The following CIT variants were observed in gnomAD, a reference collection of about 807,000 sequenced individuals.
CIT encodes citron rho-interacting serine/threonine kinase.
A neutral mutation model predicts 272.7 loss-of-function variants in CIT; 79 were observed. The ratio of observed to expected loss-of-function variants is 0.29; its 90% CI spans 0.24 to 0.35. The LOEUF (loss-of-function observed/expected upper bound fraction) is 0.35, where lower values mean the gene tolerates loss of function less well. Ranked by LOEUF, CIT falls within the 10% of genes least tolerant of loss-of-function variation. CIT has a pLI of 1.00. For synonymous variants in CIT, 948 were observed against 995.6 expected (o/e 0.95, Z 0.90); for missense variants, 1,909 against 2,618.3 (o/e 0.73, Z 5.91).
At chr12:119,797,856 A>G (rs1226815050) in intron 10 of CIT, among the ~76,000 whole-genome samples, 3 of 152,240 alleles carry the variant, frequency 2.0e-5, no homozygotes, top group East Asian at 3.8e-4. Context: ...CAAAAGTACA[A>G]AATGTAGATG....
At chr12:119,727,164 C>T (rs1458275112) in intron 28 of CIT, among the ~76,000 whole-genome samples, 1 of 152,158 alleles carries the variant, frequency 6.6e-6, no homozygotes, top group Non-Finnish European at 1.5e-5. Flanking sequence ...ATGTGCTTGA[C>T]ACTCCATTAA....
chr12:119,692,173 G>A (rs1166780436), intron 46 of CIT, among the ~76,000 whole-genome samples: 1 of 152,174 alleles, frequency 6.6e-6, no homozygotes, highest in Non-Finnish European at 1.5e-5. Context: ...AAAAAGCCGG[G>A]CACAGTGATG....
At chr12:119,717,858 T>TTTTTTTTTTTTTTTTTTTTTTTTTG in intron 32 of CIT, among the ~76,000 whole-genome samples, 2 of 142,056 alleles carry the variant, frequency 1.4e-5, no homozygotes, top group East Asian at 2.1e-4. Flanking sequence ...TTTTTTTTTT[T>TTTTTTTTTTTTTTTTTTTTTTTTTG]GAGATGGAGT....
In CIT at chr12:119,762,627, A is replaced by G. The variant is rs553557551; in HGVS notation, c.2305-1572T>C. Among the ~76,000 whole-genome samples the G allele has an allele frequency of 8.5e-5, 13 of 152,348 alleles. No homozygotes were observed. In the South Asian group the frequency reaches 2.3e-3, roughly 27 times the overall value. ...TGCCCTTTATATTTTATGAGGTGCT[A>G]AAGCAATGAAATACATTTTCAGGAT... is the stretch of plus-strand genomic sequence containing the variant. On this transcript the variant is annotated intron_variant, in intron 19 of 47. Coordinates refer to ENST00000392521, the MANE Select transcript of CIT (RefSeq NM_001206999.2).
chr12:119,795,498 T>C (rs1355073731), intron 10 of CIT, among the ~76,000 whole-genome samples: 3 of 152,218 alleles, frequency 2.0e-5, no homozygotes, highest in African/African-American at 7.2e-5. Context: ...ATTTTCTCTA[T>C]CTGTAAAATA....
At chr12:119,863,201 CAAA>C (rs751421292) in intron 3 of CIT, among the ~76,000 whole-genome samples, 2 of 40,512 alleles carry the variant, frequency 4.9e-5, no homozygotes, top group African/African-American at 8.7e-5. Context: ...GACTCTGTAT[CAAA>C]AAAAAAAAAA....
chr12:119,749,244 G>A (rs1959880782), intron 23 of CIT, among the ~76,000 whole-genome samples: 1 of 152,170 alleles, frequency 6.6e-6, no homozygotes, highest in African/African-American at 2.4e-5. Flanking sequence ...AACAATCATA[G>A]CACATTTGAC....
chr12:119,745,385 A>AAAAAAAAAAAAAC (rs1959217602), intron 23 of CIT, among the ~76,000 whole-genome samples: 2 of 143,140 alleles, frequency 1.4e-5, no homozygotes, highest in African/African-American at 5.1e-5. Flanking sequence ...AAAAAAAAAA[A>AAAAAAAAAAAAAC]AAAAAAAAAA....
intron 9 of CIT, among the ~76,000 whole-genome samples, chr12:119,805,366 TA>T (rs1966531263): frequency 6.6e-6 from 1 of 152,220 alleles, no homozygotes; most frequent in Non-Finnish European, 1.5e-5. Context: ...GAGGTTTAAA[TA>T]AAATAATCCA....
At chr12:119,870,241 G>A (rs1950628137) in intron 2 of CIT, among the ~76,000 whole-genome samples, 1 of 152,082 alleles carries the variant, frequency 6.6e-6, no homozygotes. Flanking sequence ...GCCAGTTCAG[G>A]GCAGTGCCTT....
chr12:119,718,401 G>A lies in CIT; in HGVS notation c.4012C>T (p.Arg1338Cys), dbSNP rs201214475. ...GGGTGTGGGTGGTCCGTTGCTTTGC[G>A]GTGGGCAGCTGCAGAGAGACCAGGA... ...LRSAREEAAH[R>C]KATDHPHPST... Residue 1338 changes from arginine to cysteine, a missense_variant, in exon 32 of 48, where the codon CGC (arginine) becomes TGC (cysteine). Coordinates refer to ENST00000392521, the MANE Select transcript of CIT (RefSeq NM_001206999.2). This position sits in a 1 kb window ranked among gnomAD's most constrained non-coding sequence, Gnocchi z 4.8. 1.8e-4 allele frequency: 284 copies of A among 1,611,932 alleles called. 1 individual carries two copies. Among genetic ancestry groups the A allele is most frequent in the Non-Finnish European group, 2.2e-4 (255 of 1,179,024 alleles).
At chr12:119,760,913 C>G in intron 20 of CIT, 26 bp downstream of exon 20, 1 of 1,468,248 alleles carries the variant, frequency 6.8e-7, no homozygotes, top group Non-Finnish European at 9.6e-7. Context: ...CCTTTGAACA[C>G]TGGCTTGGCA....
chr12:119,838,148 C>G (rs964963661), intron 5 of CIT, among the ~76,000 whole-genome samples: 3 of 152,150 alleles, frequency 2.0e-5, no homozygotes, highest in African/African-American at 7.2e-5. Flanking sequence ...TCTCGGCTCA[C>G]TGCAACCTCT....
At chr12:119,754,276 C>A (rs1447262821) in intron 22 of CIT, among the ~76,000 whole-genome samples, 1 of 152,118 alleles carries the variant, frequency 6.6e-6, no homozygotes, top group South Asian at 2.1e-4. Context: ...GCATTCAAAC[C>A]CAGAAAGTCT....
rs114179947 is a variant in CIT at position 119,762,077 on chromosome 12, C to G, written c.2305-1022G>C. On this transcript the variant is annotated intron_variant, in intron 19 of 47. Transcript: ENST00000392521. ...AATAAAGCTGAAAGAGCTGGGGTCA[C>G]AGAGAGGGCTAAAATCTGCCTTTCC... is the stretch of plus-strand genomic sequence containing the variant. 4.0e-3 allele frequency among the ~76,000 whole-genome samples: 603 copies of G among 152,228 alleles called. 3 individuals carry two copies. Among genetic ancestry groups the G allele is most frequent in the African/African-American group, 0.014 (582 of 41,528 alleles).
At chr12:119,774,219 G>A (rs900572362) in intron 16 of CIT, among the ~76,000 whole-genome samples, 3 of 151,868 alleles carry the variant, frequency 2.0e-5, no homozygotes, top group African/African-American at 4.8e-5. Flanking sequence ...CCCAGTAATG[G>A]GAATAAACTT....
At chr12:119,870,145 C>A (rs539431340) in intron 2 of CIT, among the ~76,000 whole-genome samples, 1 of 152,276 alleles carries the variant, frequency 6.6e-6, no homozygotes, top group African/African-American at 2.4e-5. Flanking sequence ...TTACTTTAAG[C>A]GCTGGAGTCT....
chr12:119,751,162 C>T (rs1960215086), intron 23 of CIT, among the ~76,000 whole-genome samples: 1 of 152,132 alleles, frequency 6.6e-6, no homozygotes, highest in Admixed American at 6.5e-5. Flanking sequence ...TCTAGGTCCT[C>T]CGGGGATCCT....
chr12:119,826,642 C>G (rs759480333), intron 7 of CIT, among the ~76,000 whole-genome samples: 1 of 152,152 alleles, frequency 6.6e-6, no homozygotes, highest in South Asian at 2.1e-4. Flanking sequence ...AACAGAGAGG[C>G]CCTGATTTTA....
Sources: gnomAD v4.1 joint callset for allele counts (sites outside exome capture counted in the v4.1 genomes callset) on GRCh38, gnomAD v4.1.1 for gene constraint, Gnocchi (gnomAD v3.1) non-coding constraint, MANE v1.5 for transcripts, NCBI Gene and HGNC (gene_info 2026-07-23, HGNC 2026-07-21) for gene names.